Variants in KIAA1217 observed in about 807,000 individuals in gnomAD.
KIAA1217 encodes the protein KIAA1217.
KIAA1217 carries 88 observed loss-of-function variants against 163.9 expected under a neutral mutation model. The ratio of observed to expected loss-of-function variants is 0.54; its 90% CI spans 0.45 to 0.64. The LOEUF is 0.64. Ranked by LOEUF, KIAA1217 falls within the 30% of genes least tolerant of loss-of-function variation. KIAA1217 has a pLI of 0.00. For missense variants in KIAA1217, 2,372 were observed against 2,475.0 expected (o/e 0.96, Z 0.88); for synonymous variants, 903 against 923.1 (o/e 0.98, Z 0.39).
chr10:24,467,473 T>C (rs934277856), intron 5 of KIAA1217, among the ~76,000 whole-genome samples: 6 of 152,362 alleles, frequency 3.9e-5, no homozygotes, highest in Admixed American at 6.5e-5. Flanking sequence ...CCATTATATC[T>C]AGTGCAGTTG....
rs2075725183 is a variant in KIAA1217, at chr10:24,546,398, A to G, written c.*74A>G. ...AACAGTCTACAACAACTGTTTTCACAAGAGAATGTAACATATTGCTGTATC... is the reference window on the plus strand; with the variant it reads ...AACAGTCTACAACAACTGTTTTCACGAGAGAATGTAACATATTGCTGTATC... On this transcript the variant is annotated 3_prime_UTR_variant, in exon 21 of 21. Transcript: ENST00000376454. 3 of 1,382,030 alleles carry G rather than the reference A, an allele frequency of 2.2e-6. No homozygotes were observed. Among genetic ancestry groups the G allele is most frequent in the African/African-American group, 2.9e-5 (2 of 69,056 alleles). 85.6% of individuals were successfully genotyped at this position (1,382,030 alleles called of 1,614,324 possible). A position where few individuals can be genotyped will look rare whatever the true frequency, so the allele number is the denominator to read the frequency against.
chr10:24,197,909 T>C (rs2130505626), intron 2 of KIAA1217, among the ~76,000 whole-genome samples: 1 of 152,320 alleles, frequency 6.6e-6, no homozygotes, highest in South Asian at 2.1e-4. Context: ...CCTGTCCTGG[T>C]GCGCGGAATG....
chr10:24,122,246 T>C (rs2131780249), intron 2 of KIAA1217, among the ~76,000 whole-genome samples: 2 of 152,008 alleles, frequency 1.3e-5, no homozygotes, highest in Admixed American at 1.3e-4. Context: ...GAACATGTAA[T>C]ATTTGGTTTT....
intron 1 of KIAA1217, among the ~76,000 whole-genome samples, chr10:23,913,694 G>C (rs945083505): frequency 2.0e-5 from 3 of 152,088 alleles, no homozygotes; most frequent in Non-Finnish European, 2.9e-5. Context: ...CTCTCGATTG[G>C]CATGTACCCT....
At chr10:24,522,517 T>G (rs1009252505) in intron 12 of KIAA1217, among the ~76,000 whole-genome samples, 1 of 152,192 alleles carries the variant, frequency 6.6e-6, no homozygotes, top group Non-Finnish European at 1.5e-5. Context: ...TGGTCCCACC[T>G]AGAAAAGAGG....
chr10:24,510,487 G>A (rs531616905), intron 9 of KIAA1217, among the ~76,000 whole-genome samples: 3 of 152,178 alleles, frequency 2.0e-5, no homozygotes, highest in African/African-American at 7.2e-5. Flanking sequence ...GTGGCAAATC[G>A]AATCATATGA....
chr10:23,732,720 A>G (rs11013674), intron 1 of KIAA1217, among the ~76,000 whole-genome samples: 33,222 of 152,016 alleles, frequency 0.22, 3,875 homozygotes, highest in African/African-American at 0.29. Context: ...TTCCTAAGGT[A>G]GATAGCTAAC....
chr10:23,940,722 G>A (rs976003568), intron 1 of KIAA1217, among the ~76,000 whole-genome samples: 3 of 152,080 alleles, frequency 2.0e-5, no homozygotes, highest in Admixed American at 6.5e-5. Context: ...AATTTAAAAG[G>A]ATTCCATCAT....
intron 1 of KIAA1217, among the ~76,000 whole-genome samples, chr10:23,872,380 C>G (rs145084341): frequency 6.8e-4 from 103 of 152,122 alleles, no homozygotes; most frequent in Non-Finnish European, 1.1e-3. Flanking sequence ...AGAACAAGTT[C>G]ACTCACAGCT....
At position 24,329,965 on chromosome 10, in the gene KIAA1217, C is replaced by A. The variant is rs991890696; in HGVS notation, c.355-50904C>A. ...TAGAACTTGCTTAACTTGTCTAATGCATAATTTACCTAAGGATTCAAAAGT... is the reference window on the plus strand; with the variant it reads ...TAGAACTTGCTTAACTTGTCTAATGAATAATTTACCTAAGGATTCAAAAGT... On this transcript the variant is annotated intron_variant, in intron 2 of 20. Coordinates refer to ENST00000376454, the MANE Select transcript of KIAA1217 (RefSeq NM_019590.5). 4.6e-5 allele frequency among the ~76,000 whole-genome samples: 7 copies of A among 152,202 alleles called. No individual in the cohort carries two copies. In the East Asian group the frequency reaches 7.7e-4, roughly 17 times the overall value.
rs148213717 is a variant in KIAA1217, at chr10:24,543,892, C to T, written c.4622C>T (p.Thr1541Met). Reference sequence around the variant, plus strand: ...CCAGGAGGACAGGAAATGAACAGAACGGAGCTGAACAAGTTCAGCCACGTG... The same window carrying T: ...CCAGGAGGACAGGAAATGAACAGAATGGAGCTGAACAAGTTCAGCCACGTG... ...RNPGGQEMNR[T>M]ELNKFSHVDS... Residue 1541 changes from threonine (T) to methionine (M), a missense_variant, in exon 19 of 21, where the codon ACG becomes ATG. Transcript: ENST00000376454. 30 of 1,614,022 alleles carry T rather than the reference C, an allele frequency of 1.9e-5. No individual in the cohort carries two copies. The East Asian group carries it at 2.5e-4, about 13-fold the overall frequency.
chr10:24,486,351 C>A (rs2065395517), intron 6 of KIAA1217, among the ~76,000 whole-genome samples: 1 of 152,236 alleles, frequency 6.6e-6, no homozygotes, highest in Non-Finnish European at 1.5e-5. Flanking sequence ...CCCTTCTCGG[C>A]TGGACTGGGA....
chr10:24,125,556 A>C (rs979283429), intron 2 of KIAA1217, among the ~76,000 whole-genome samples: 1 of 151,852 alleles, frequency 6.6e-6, no homozygotes, highest in Non-Finnish European at 1.5e-5. Context: ...TGGTCATGTC[A>C]CTTTTTTTAC....
intron 2 of KIAA1217, among the ~76,000 whole-genome samples, chr10:24,285,770 A>C (rs753448317): frequency 2.0e-5 from 3 of 152,152 alleles, no homozygotes; most frequent in Non-Finnish European, 4.4e-5. Context: ...ATAGTGTTGA[A>C]TCTTTAGATT....
chr10:23,989,657 A>C (rs77022570), intron 1 of KIAA1217, among the ~76,000 whole-genome samples: 7,994 of 152,290 alleles, frequency 0.052, 289 homozygotes, highest in Middle Eastern at 0.11. Flanking sequence ...TTGGGGTATC[A>C]GTTCCTGTAC....
At chr10:24,397,386 C>T (rs991442128) in intron 3 of KIAA1217, among the ~76,000 whole-genome samples, 4 of 152,162 alleles carry the variant, frequency 2.6e-5, no homozygotes, top group African/African-American at 9.7e-5. Flanking sequence ...CTGTGCCTGG[C>T]TGATGTAAGA....
At chr10:24,476,212 A>G (rs1404298113) in intron 6 of KIAA1217, among the ~76,000 whole-genome samples, 2 of 152,238 alleles carry the variant, frequency 1.3e-5, no homozygotes, top group Admixed American at 6.5e-5. Context: ...AACCTAGCTC[A>G]GTGTCATCTG....
chr10:24,045,467 T>C (rs1848939383), intron 2 of KIAA1217, among the ~76,000 whole-genome samples: 1 of 152,158 alleles, frequency 6.6e-6, no homozygotes, highest in South Asian at 2.1e-4. Flanking sequence ...TTTATGGACC[T>C]CCTAGGAGTT....
At chr10:24,393,415 G>A (rs991064261) in intron 3 of KIAA1217, among the ~76,000 whole-genome samples, 2 of 152,132 alleles carry the variant, frequency 1.3e-5, no homozygotes, top group African/African-American at 4.8e-5. Flanking sequence ...GGAGCAGGGA[G>A]GAGCCAGACT....
Sources: gnomAD v4.1 joint callset for allele counts (sites outside exome capture counted in the v4.1 genomes callset) on GRCh38, gnomAD v4.1.1 for gene constraint, MANE v1.5 for transcripts, NCBI Gene and HGNC (gene_info 2026-07-23, HGNC 2026-07-21) for gene names.